SLC2A8: variants seen among roughly 807,000 people sequenced by gnomAD.
SLC2A8 encodes the protein solute carrier family 2, facilitated glucose transporter member 8.
In SLC2A8, 53 loss-of-function variants were observed where a neutral mutation model predicts 49.2. The ratio of observed to expected loss-of-function variants is 1.08; its 90% confidence interval spans 0.86 to 1.35. The LOEUF is 1.35. Ranked by LOEUF, SLC2A8 falls within the 40% of genes most tolerant of loss-of-function variation. SLC2A8 has a pLI of 0.00. For synonymous variants in SLC2A8, 299 were observed against 297.0 expected (o/e 1.01, Z -0.07); for missense variants, 688 against 671.7 (o/e 1.02, Z -0.27).
intron 3 of SLC2A8, chr9:127,398,381 G>A: frequency 2.6e-6 from 2 of 758,822 alleles, no homozygotes; most frequent in East Asian, 2.5e-5. Context: ...CAGAGGGGAA[G>A]CAGTTGCAGG....
In SLC2A8 at chr9:127,397,690, T is replaced by C. The variant is rs551223822; in HGVS notation, c.219+152T>C. ...CCCCACGAGACAGGCATTGGGCCTC[T>C]CTGCCCCCCATCCCTTCCCTCGGGA... On this transcript the variant is annotated intron_variant, in intron 2 of 9. Transcript: ENST00000373371. 3.9e-5 allele frequency: 47 copies of C among 1,190,624 alleles called. No individual in the cohort carries two copies. In the African/African-American group the frequency reaches 7.3e-4, roughly 18 times the overall value. The allele number at this position is 1,190,624 out of a possible 1,614,324, so 73.8% of individuals were successfully genotyped here.
At position 127,399,786 on chromosome 9, in the gene SLC2A8, G is replaced by T; in HGVS notation, c.427-121G>T. ...AGTAGAGATGGGGTTTCTCCCTGTT[G>T]GTCAGGCCAGTCTCAAACTCCCAAC... On this transcript the variant is annotated intron_variant, in intron 3 of 9. Transcript: ENST00000373371. The surrounding 1 kb of genome is among the most constrained non-coding windows in gnomAD (Gnocchi z 4.2). 1.4e-6 allele frequency: 1 copy of T among 705,868 alleles called. No homozygotes were observed. Among genetic ancestry groups the T allele is most frequent in the Non-Finnish European group, 2.4e-6 (1 of 408,236 alleles). The allele number at this position is 705,868 out of a possible 1,614,324, so 43.7% of individuals were successfully genotyped here. A position where few individuals can be genotyped will look rare whatever the true frequency, so the allele number is the denominator to read the frequency against.
intron 9 of SLC2A8, among the ~76,000 whole-genome samples, chr9:127,406,642 G>A (rs1833502329): frequency 1.4e-5 from 1 of 73,904 alleles, no homozygotes; most frequent in Non-Finnish European, 3.6e-5. Flanking sequence ...TGGATGGCAG[G>A]GACAGGTTCT....
At chr9:127,397,353 C>T in intron 1 of SLC2A8, 23 bp from the exon 2 acceptor site, 1 of 1,414,908 alleles carries the variant, frequency 7.1e-7, no homozygotes, top group Non-Finnish European at 9.1e-7. Flanking sequence ...CCGCTCCGCT[C>T]ACCCTCGGCC....
intron 4 of SLC2A8, among the ~76,000 whole-genome samples, chr9:127,401,368 C>G (rs1344007131): frequency 6.6e-6 from 1 of 152,240 alleles, no homozygotes; most frequent in African/African-American, 2.4e-5. Flanking sequence ...CCTCGGGGGC[C>G]TGACGGGCTA....
intron 4 of SLC2A8, among the ~76,000 whole-genome samples, chr9:127,400,718 C>T (rs1391459004): frequency 7.9e-5 from 12 of 152,052 alleles, no homozygotes; most frequent in East Asian, 1.9e-4. Context: ...TGAAGGAGGC[C>T]GGGGTCCTGG....
intron 5 of SLC2A8, 76 bp downstream of exon 5, chr9:127,402,829 C>T: frequency 7.0e-7 from 1 of 1,428,522 alleles, no homozygotes; most frequent in Non-Finnish European, 9.2e-7. Context: ...TTCCCAAGGC[C>T]ACACACTTGG....
intron 5 of SLC2A8, 116 bp downstream of exon 5, chr9:127,402,869 C>T: frequency 8.0e-7 from 1 of 1,254,294 alleles, no homozygotes; most frequent in Non-Finnish European, 1.1e-6. Flanking sequence ...TGCCTATCCA[C>T]CCTCCACCCT....
In SLC2A8 at chr9:127,403,929, C is replaced by G. The variant is rs771394035; in HGVS notation, c.868-30C>G. On this transcript the variant is annotated intron_variant, in intron 6 of 9. Transcript: ENST00000373371. Reference sequence around the variant, plus strand: ...AGGGACCCAGCTCTCAGCTGGCCCACCTGACCTGCCTGGGCTCTGTCTCCC... The same window carrying G: ...AGGGACCCAGCTCTCAGCTGGCCCAGCTGACCTGCCTGGGCTCTGTCTCCC... The G allele has an allele frequency of 1.9e-6, 3 of 1,606,474 alleles. No individual in the cohort carries two copies. In the South Asian group the frequency reaches 3.3e-5, roughly 18 times the overall value.
In SLC2A8 at chr9:127,407,557, G is replaced by A. The variant is rs1564222406; in HGVS notation, c.*308G>A. 4.3e-6 allele frequency: 2 copies of A among 465,170 alleles called. No homozygotes were observed. Among genetic ancestry groups the A allele is most frequent in the African/African-American group, 4.0e-5 (2 of 50,306 alleles). The allele number at this position is 465,170 out of a possible 1,614,324, so 28.8% of individuals were successfully genotyped here. On this transcript the variant is annotated 3_prime_UTR_variant, in exon 10 of 10. Coordinates refer to ENST00000373371, the MANE Select transcript of SLC2A8 (RefSeq NM_014580.5). ...TGGGCCTCTAGGATCTTTGTCTTCT[G>A]GCTGGAGGTGCTTTTGGAGGTTGGG...
At chr9:127,402,346 A>G in intron 4 of SLC2A8, 1 of 641,116 alleles carries the variant, frequency 1.6e-6, no homozygotes, top group Non-Finnish European at 2.5e-6. Context: ...CCGCGTTGTC[A>G]TACCCACTGT....
intron 2 of SLC2A8, 21 bp from the exon 3 acceptor site, chr9:127,397,884 T>G: frequency 6.8e-7 from 1 of 1,465,934 alleles, no homozygotes; most frequent in Non-Finnish European, 9.0e-7. Flanking sequence ...CGCCCCCTCC[T>G]CAGCAGCCGC....
rs113005748 is a variant in SLC2A8, at chr9:127,398,079, C to T, written c.394C>T (p.Leu132=). The T allele has an allele frequency of 5.8e-3, 9,235 of 1,587,392 alleles. 34 individuals are homozygous for T. The highest frequency in any genetic ancestry group is 7.3e-3 in the Non-Finnish European group (8,532 of 1,172,178). The part of the protein sequence containing the change: ...MLLGGRLLTG[L]ACGVASLVAP... ...GCTGGGGGGCCGCCTCCTCACCGGC[C>T]TGGCCTGCGGTGTTGCCTCCCTAGT... Residue 132 remains leucine, a synonymous_variant, in exon 3 of 10, where the codon CTG becomes TTG. Coordinates refer to ENST00000373371, the MANE Select transcript of SLC2A8 (RefSeq NM_014580.5).
rs952699744 is a variant in SLC2A8 at position 127,403,840 on chromosome 9, C to A, written c.867+37C>A. 5.0e-6 allele frequency: 8 copies of A among 1,606,266 alleles called. No homozygotes were observed. In the African/African-American group the frequency reaches 1.1e-4, roughly 22 times the overall value. On this transcript the variant is annotated intron_variant, in intron 6 of 9. Transcript: ENST00000373371. The stretch of plus-strand genomic sequence containing the variant: ...CTGCCTGGCCTGCCTCGTCCAGCCC[C>A]CACATAGATGGAGCTTCCTCCCCAA...
At chr9:127,404,636 C>G (rs1235556985) in intron 7 of SLC2A8, 182 bp from the exon 8 acceptor site, 1 of 648,282 alleles carries the variant, frequency 1.5e-6, no homozygotes, top group South Asian at 2.2e-5. Flanking sequence ...TTTTGCAGTT[C>G]GCTGAGGTCC....
chr9:127,403,240 C>T (rs1833359461), intron 5 of SLC2A8: 1 of 154,104 alleles, frequency 6.5e-6, no homozygotes, highest in African/African-American at 3.5e-5. Flanking sequence ...GAAGGCGGGG[C>T]TTAGGGAGGA....
rs1444179646 is a variant in SLC2A8 at position 127,399,932 on chromosome 9, C to G, written c.452C>G (p.Pro151Arg). Reference sequence around the variant, plus strand: ...GTCTACATCTCCGAAATCGCCTACCCAGCAGTCCGGGGGTTGCTCGGCTCC... The same window carrying G: ...GTCTACATCTCCGAAATCGCCTACCGAGCAGTCCGGGGGTTGCTCGGCTCC... ...APVYISEIAY[P>R]AVRGLLGSCV... is the part of the protein sequence containing the mutation. The change falls in exon 4 of 10, where the codon CCA becomes CGA. Residue 151 changes from proline (P) to arginine (R), a missense_variant. Pro to Arg is a moderately radical substitution (Grantham distance 103, BLOSUM62 -2). Coordinates refer to ENST00000373371, the MANE Select transcript of SLC2A8 (RefSeq NM_014580.5). The surrounding 1 kb of genome is among the most constrained non-coding windows in gnomAD (Gnocchi z 4.2). The G allele has an allele frequency of 8.1e-6, 13 of 1,613,734 alleles. No individual in the cohort carries two copies. The highest frequency in any genetic ancestry group is 2.7e-5 in the African/African-American group (2 of 74,880).
At chr9:127,398,256 G>A (rs1833125337) in intron 3 of SLC2A8, 145 bp downstream of exon 3, 1 of 857,338 alleles carries the variant, frequency 1.2e-6, no homozygotes, top group African/African-American at 1.7e-5. Flanking sequence ...TTATCTCGCG[G>A]TCCCTCCCGT....
In SLC2A8 at chr9:127,402,550, C is replaced by T. The variant is rs909508505; in HGVS notation, c.527-7C>T. On this transcript the variant is annotated splice_region_variant and splice_polypyrimidine_tract_variant and intron_variant, in intron 4 of 9. Transcript: ENST00000373371. ...TGACGCCAGCCTCCTCCACCCACCC[C>T]CCGCAGGCTGGGTGCTGGAGTGGCG... The T allele has an allele frequency of 1.3e-6, 2 of 1,523,148 alleles. No homozygotes were observed. The highest frequency in any genetic ancestry group is 4.0e-5 in the Admixed American group (2 of 49,576). 94.4% of individuals were successfully genotyped at this position (1,523,148 alleles called of 1,614,324 possible). A position where few individuals can be genotyped will look rare whatever the true frequency, so the allele number is the denominator to read the frequency against.
Sources: gnomAD v4.1 joint callset for allele counts (sites outside exome capture counted in the v4.1 genomes callset) on GRCh38, gnomAD v4.1.1 for gene constraint, Gnocchi (gnomAD v3.1) non-coding constraint, MANE v1.5 for transcripts, NCBI Gene and HGNC (gene_info 2026-07-23, HGNC 2026-07-21) for gene names.